TAF5: variants seen among roughly 807,000 people sequenced by gnomAD.
The protein encoded by TAF5 is TATA-box binding protein associated factor 5, also known as transcription initiation factor TFIID subunit 5.
TAF5 carries 20 observed loss-of-function variants against 80.9 expected under a neutral mutation model. That is an observed-to-expected ratio of 0.25 (90% CI 0.17 to 0.36). The LOEUF is 0.36. Ranked by LOEUF, TAF5 falls within the 10% of genes least tolerant of loss-of-function variation. The pLI is 1.00. For synonymous variants in TAF5, 388 were observed against 406.4 expected (o/e 0.95, Z 0.55); for missense variants, 863 against 1,029.4 (o/e 0.84, Z 2.21).
At position 103,368,422 on chromosome 10, in the gene TAF5, A is replaced by AGC; in HGVS notation, c.438_439dup (p.Leu147ArgfsTer6). 1 of 1,527,164 alleles carries AGC rather than the reference A, an allele frequency of 6.5e-7. No individual in the cohort carries two copies. Among genetic ancestry groups the AGC allele is most frequent in the Non-Finnish European group, 8.8e-7 (1 of 1,140,604 alleles). 94.6% of individuals were successfully genotyped at this position (1,527,164 alleles called of 1,614,324 possible). ...GGACAGCGCCGGCGCTGAGGTGACC[A>AGC]GCGCGCTTCTCAGCCGGGTGACCGC... On this transcript the variant is annotated frameshift_variant, in exon 1 of 11. Coordinates refer to ENST00000369839, the MANE Select transcript of TAF5 (RefSeq NM_006951.5). LOFTEE classifies it high-confidence loss of function.
Position 103,377,964 on chromosome 10 carries a change from A to G in TAF5, c.798-271A>G, listed in dbSNP as rs954936855. 1.6e-3 allele frequency among the ~76,000 whole-genome samples: 241 copies of G among 152,274 alleles called. 3 individuals are homozygous for G. Among genetic ancestry groups the G allele is most frequent in the Non-Finnish European group, 2.9e-4 (20 of 68,002 alleles). ...AAGAAACTGTCTACCAATGGTGGGT[A>G]TATTATTTTTCACTTAGGATATTTA... On this transcript the variant is annotated intron_variant, in intron 2 of 10. Coordinates refer to ENST00000369839, the MANE Select transcript of TAF5 (RefSeq NM_006951.5).
Position 103,368,390 on chromosome 10 carries a change from G to GAGAGGTGGACAGCGCCGGCGC in TAF5, c.402_422dup (p.Asp137_Val143dup). The GAGAGGTGGACAGCGCCGGCGC allele has an allele frequency of 6.4e-7, 1 of 1,563,702 alleles. No individual in the cohort carries two copies. The highest frequency in any genetic ancestry group is 8.6e-7 in the Non-Finnish European group (1 of 1,163,982). ...GCAGTGGCGGGCTCCGGAGCCCCGG[G>GAGAGGTGGACAGCGCCGGCGC]AGAGGTGGACAGCGCCGGCGCTGAG... is the stretch of plus-strand genomic sequence containing the variant. On this transcript the variant is annotated inframe_insertion, in exon 1 of 11. Coordinates refer to ENST00000369839, the MANE Select transcript of TAF5 (RefSeq NM_006951.5).
At position 103,381,819 on chromosome 10, in the gene TAF5, T is replaced by G; in HGVS notation, c.1512T>G (p.Leu504=). The change falls in exon 6 of 11, where the codon CTT becomes CTG. Residue 504 remains leucine (L), a synonymous_variant. Transcript: ENST00000369839. The part of the protein sequence containing the change: ...VRVWSVTPKK[L]RSVKQASDLS... ...TGTGGTCGGTAACACCCAAAAAGCT[T>G]CGTAGTGTCAAACAAGCATCAGGTA... is the stretch of plus-strand genomic sequence containing the variant. 3.1e-6 allele frequency: 5 copies of G among 1,614,158 alleles called. No homozygotes were observed. Among genetic ancestry groups the G allele is most frequent in the Non-Finnish European group, 4.2e-6 (5 of 1,180,020 alleles).
chr10:103,370,928 G>A (rs779217139), intron 1 of TAF5, among the ~76,000 whole-genome samples: 1 of 152,016 alleles, frequency 6.6e-6, no homozygotes, highest in Admixed American at 6.6e-5. Flanking sequence ...ATTGTAATCC[G>A]TAAATAGAAA....
At chr10:103,371,807 C>G (rs1373703460) in intron 1 of TAF5, among the ~76,000 whole-genome samples, 2 of 152,090 alleles carry the variant, frequency 1.3e-5, no homozygotes, top group Non-Finnish European at 2.9e-5. Context: ...CAGTGCATGG[C>G]TTGGTCGTGG....
At chr10:103,370,330 T>C (rs1199937321) in intron 1 of TAF5, among the ~76,000 whole-genome samples, 3 of 137,638 alleles carry the variant, frequency 2.2e-5, no homozygotes. Flanking sequence ...TGAGGCTTTT[T>C]TTTTTTTTTT....
At chr10:103,384,520 A>G (rs2093391082) in intron 7 of TAF5, among the ~76,000 whole-genome samples, 1 of 152,168 alleles carries the variant, frequency 6.6e-6, no homozygotes, top group African/African-American at 2.4e-5. Context: ...AATCCTGGCT[A>G]CTTGGGAGGC....
intron 1 of TAF5, among the ~76,000 whole-genome samples, chr10:103,372,525 G>T (rs1003617262): frequency 6.6e-6 from 1 of 150,854 alleles, no homozygotes. Flanking sequence ...TAGTAGAGAC[G>T]GGGTTTCACT....
chr10:103,371,563 T>A (rs2093359555), intron 1 of TAF5, among the ~76,000 whole-genome samples: 1 of 152,256 alleles, frequency 6.6e-6, no homozygotes, highest in Non-Finnish European at 1.5e-5. Context: ...TAGGTGGTGC[T>A]GTATTACCAA....
rs746276523 is a variant in TAF5, at chr10:103,373,414, A to G, written c.616A>G (p.Asn206Asp). The G allele has an allele frequency of 6.2e-7, 1 of 1,614,170 alleles. No individual in the cohort carries two copies. The highest frequency in any genetic ancestry group is 1.1e-5 in the South Asian group (1 of 91,082). ...TGTCAGTGCCGTGTTGTCAGCCTAC[A>G]ACCAACAAGGAGATCCCACAATGTA... ...PDVSAVLSAY[N>D]QQGDPTMYEE... The change falls in exon 2 of 11, where the codon AAC becomes GAC. Residue 206 changes from asparagine (N) to aspartate (D), a missense_variant. Around this residue, in one of 3 missense-constraint regions of TAF5, gnomAD observed 367 missense variants for 335.5 expected, o/e 1.09. Coordinates refer to ENST00000369839, the MANE Select transcript of TAF5 (RefSeq NM_006951.5).
intron 7 of TAF5, 108 bp downstream of exon 7, chr10:103,383,475 C>A (rs961105486): frequency 9.0e-7 from 1 of 1,107,900 alleles, no homozygotes; most frequent in Non-Finnish European, 1.2e-6. Context: ...TGATAAAAAT[C>A]TCATGGTTGT....
intron 6 of TAF5, 79 bp downstream of exon 6, chr10:103,381,920 A>G: frequency 1.3e-6 from 2 of 1,544,750 alleles, no homozygotes; most frequent in South Asian, 2.3e-5. Context: ...TACACAGGAG[A>G]TTGTGTTCTT....
chr10:103,373,416 C>G lies in TAF5; in HGVS notation c.618C>G (p.Asn206Lys). 6.2e-7 allele frequency: 1 copy of G among 1,614,088 alleles called. No homozygotes were observed. Among genetic ancestry groups the G allele is most frequent in the South Asian group, 1.1e-5 (1 of 91,076 alleles). ...PDVSAVLSAY[N>K]QQGDPTMYEE... ...TCAGTGCCGTGTTGTCAGCCTACAA[C>G]CAACAAGGAGATCCCACAATGTATG... The change falls in exon 2 of 11, where the codon AAC becomes AAG. Residue 206 changes from asparagine (N) to lysine (K), a missense_variant. Asn to Lys is a moderately conservative substitution (Grantham distance 94, BLOSUM62 0). Transcript: ENST00000369839.
rs1291504093 is a variant in TAF5, at chr10:103,374,636, C to G, written c.797+1041C>G. 2.0e-5 allele frequency among the ~76,000 whole-genome samples: 3 copies of G among 152,154 alleles called. No individual in the cohort carries two copies. Among genetic ancestry groups the G allele is most frequent in the African/African-American group, 4.8e-5 (2 of 41,422 alleles). On this transcript the variant is annotated intron_variant, in intron 2 of 10. Transcript: ENST00000369839. The surrounding 1 kb of genome is among the most constrained non-coding windows in gnomAD (Gnocchi z 4.3). ...AAATGGATATTTGGGGAGAGCGAAG[C>G]CTTTTTGCTACAGAGTCATTTCTGC...
intron 1 of TAF5, among the ~76,000 whole-genome samples, chr10:103,370,508 T>A (rs1466708962): frequency 6.6e-6 from 1 of 151,684 alleles, no homozygotes; most frequent in Non-Finnish European, 1.5e-5. Flanking sequence ...TTTGTATTTT[T>A]ATTAGAGACG....
Position 103,383,324 on chromosome 10 carries a change from G to C in TAF5, c.1621G>C (p.Gly541Arg). Residue 541 changes from glycine to arginine, a missense_variant, in exon 7 of 11, where the codon GGT (glycine) becomes CGT (arginine). Gly to Arg is a moderately radical substitution (Grantham distance 125). Around this residue, in one of 3 missense-constraint regions of TAF5, gnomAD observed 368 missense variants for 461.7 expected, o/e 0.80. Transcript: ENST00000369839. The part of the protein sequence containing the change: ...KTASELKILY[G>R]HSGPVYGASF... Reference sequence around the variant, plus strand: ...AGCAAGTGAGTTGAAGATTTTGTATGGTCACAGTGGGCCTGTCTACGGAGC... The same window carrying C: ...AGCAAGTGAGTTGAAGATTTTGTATCGTCACAGTGGGCCTGTCTACGGAGC... The C allele has an allele frequency of 6.2e-7, 1 of 1,606,564 alleles. No homozygotes were observed. The highest frequency in any genetic ancestry group is 8.5e-7 in the Non-Finnish European group (1 of 1,177,984).
At chr10:103,382,200 G>A (rs1356047074) in intron 6 of TAF5, among the ~76,000 whole-genome samples, 1 of 152,094 alleles carries the variant, frequency 6.6e-6, no homozygotes, top group Non-Finnish European at 1.5e-5. Flanking sequence ...ATAAGGTCAG[G>A]ATTTTATTTG....
At chr10:103,370,142 G>T (rs1287622611) in intron 1 of TAF5, among the ~76,000 whole-genome samples, 2 of 151,554 alleles carry the variant, frequency 1.3e-5, no homozygotes, top group African/African-American at 4.8e-5. Flanking sequence ...TGAGGCAGGA[G>T]AATCACTTGA....
At chr10:103,387,145 C>T (rs769672435) in intron 8 of TAF5, 30 bp from the exon 9 acceptor site, 1 of 1,584,488 alleles carries the variant, frequency 6.3e-7, no homozygotes, top group Non-Finnish European at 8.6e-7. Context: ...TACTAATTGT[C>T]ATCTTTTGCT....
Sources: gnomAD v4.1 joint callset for allele counts (sites outside exome capture counted in the v4.1 genomes callset) on GRCh38, gnomAD v4.1.1 for gene constraint, gnomAD v4.1.1 regional missense constraint, Gnocchi (gnomAD v3.1) non-coding constraint, MANE v1.5 for transcripts, NCBI Gene and HGNC (gene_info 2026-07-23, HGNC 2026-07-21) for gene names.